Variants in GPHN observed in about 807,000 individuals in gnomAD.
The protein encoded by GPHN is gephyrin.
A neutral mutation model predicts 95.5 loss-of-function variants in GPHN; 17 were observed. That is an observed-to-expected ratio of 0.18 (90% CI 0.12 to 0.27). The LOEUF (loss-of-function observed/expected upper bound fraction) is 0.27, where lower values mean the gene tolerates loss of function less well. GPHN is among the 10% of genes least tolerant of loss of function. The pLI, the probability that GPHN is intolerant of heterozygous loss-of-function variation, is 1.00. For synonymous variants in GPHN, 320 were observed against 322.5 expected, an observed-to-expected ratio of 0.99 and a Z score of 0.08; for missense variants, 660 against 978.1, an observed-to-expected ratio of 0.67 and a Z score of 4.34.
intron 3 of GPHN, among the ~76,000 whole-genome samples, chr14:66,787,109 T>C (rs565964627): frequency 2.8e-4 from 42 of 152,174 alleles, no homozygotes; most frequent in Non-Finnish European, 3.7e-4. Context: ...ATTATCTGCA[T>C]AGGAAAAAAT....
the GPHN span, among the ~76,000 whole-genome samples, chr14:67,527,520 C>T: frequency 1.3e-5 from 2 of 152,138 alleles, no homozygotes; most frequent in Admixed American, 6.5e-5. Context: ...TTAAATGTTT[C>T]GATTTTTAAT....
chr14:67,422,316 G>A, the GPHN span, among the ~76,000 whole-genome samples: 7 of 152,046 alleles, frequency 4.6e-5, no homozygotes, highest in African/African-American at 1.2e-4. Flanking sequence ...CTGACCTAAC[G>A]CTTTCCCCTG....
intron 3 of GPHN, among the ~76,000 whole-genome samples, chr14:66,820,626 T>C (rs956919608): frequency 9.2e-5 from 14 of 152,158 alleles, no homozygotes; most frequent in African/African-American, 3.4e-4. Context: ...TGCATCTCTG[T>C]AGATTTAGAG....
chr14:66,738,518 AT>A (rs1250458057), intron 2 of GPHN, among the ~76,000 whole-genome samples: 2 of 151,928 alleles, frequency 1.3e-5, no homozygotes, highest in South Asian at 2.1e-4. Flanking sequence ...TTGATTCTTG[AT>A]TTTTTTTATG....
intron 11 of GPHN, among the ~76,000 whole-genome samples, chr14:67,082,733 A>C (rs1459302616): frequency 6.6e-6 from 1 of 152,204 alleles, no homozygotes; most frequent in Non-Finnish European, 1.5e-5. Flanking sequence ...GAACATTAAC[A>C]ATATGAACAC....
chr14:66,605,882 A>G (rs1201913082), intron 1 of GPHN, among the ~76,000 whole-genome samples: 3 of 152,008 alleles, frequency 2.0e-5, no homozygotes, highest in Non-Finnish European at 4.4e-5. Context: ...TAAGTTTCTT[A>G]TAGATTCTGG....
chr14:66,760,722 T>C lies in GPHN; in HGVS notation c.144-15742T>C, dbSNP rs545310632. ...CATAAAGCAGCTGGCAAAGCACTTA[T>C]AGTGGATAATTCATTTGAATTTGAA... On this transcript the variant is annotated intron_variant, in intron 2 of 22. Transcript: ENST00000478722. 141 of 463,674 alleles carry C rather than the reference T, an allele frequency of 3.0e-4. 1 individual carries two copies. The highest frequency in any genetic ancestry group is 2.1e-3 in the South Asian group (123 of 57,834). The allele number at this position is 463,674 out of a possible 1,614,324, so 28.7% of individuals were successfully genotyped here. A position where few individuals can be genotyped will look rare whatever the true frequency, so the allele number is the denominator to read the frequency against.
chr14:67,083,050 A>G (rs2076752113), intron 11 of GPHN, among the ~76,000 whole-genome samples: 1 of 152,230 alleles, frequency 6.6e-6, no homozygotes, highest in Non-Finnish European at 1.5e-5. Context: ...CTGTTCTGGA[A>G]GTCCAGGATA....
chr14:67,670,010 A>G, the GPHN span, among the ~76,000 whole-genome samples: 1 of 152,162 alleles, frequency 6.6e-6, no homozygotes, highest in Non-Finnish European at 1.5e-5. Flanking sequence ...TGGGAGGATC[A>G]CCTGAGCCCG....
intron 8 of GPHN, among the ~76,000 whole-genome samples, chr14:66,961,900 G>GTATGTGTA: frequency 1.9e-5 from 1 of 52,958 alleles, no homozygotes; most frequent in Non-Finnish European, 4.4e-5. Flanking sequence ...CCCTGAATGT[G>GTATGTGTA]TATATATATA....
chr14:66,862,190 A>G (rs2063050759), intron 4 of GPHN, among the ~76,000 whole-genome samples: 1 of 152,132 alleles, frequency 6.6e-6, no homozygotes. Flanking sequence ...TCAAATAATC[A>G]TTAGTGGCTA....
intron 1 of GPHN, among the ~76,000 whole-genome samples, 160 bp downstream of exon 1, chr14:66,508,751 T>C (rs573658331): frequency 2.0e-5 from 3 of 152,060 alleles, no homozygotes; most frequent in East Asian, 3.9e-4. Flanking sequence ...CCGCCGGAGA[T>C]TGGGGGTGTT....
chr14:67,179,470 A>T (rs1434457671), intron 21 of GPHN, 108 bp from the exon 22 acceptor site: 4 of 726,436 alleles, frequency 5.5e-6, no homozygotes, highest in Non-Finnish European at 1.0e-5. Flanking sequence ...CAGAATACCA[A>T]GGTTAGTCTC....
chr14:66,567,469 G>T (rs983930522), intron 1 of GPHN, among the ~76,000 whole-genome samples: 8 of 152,138 alleles, frequency 5.3e-5, no homozygotes, highest in Non-Finnish European at 1.0e-4. Flanking sequence ...AATTCCCTAG[G>T]GATTTGTTTG....
intron 10 of GPHN, among the ~76,000 whole-genome samples, chr14:67,049,861 T>C (rs2075226754): frequency 6.6e-6 from 1 of 152,148 alleles, no homozygotes; most frequent in Non-Finnish European, 1.5e-5. Context: ...TAATTTGGGG[T>C]GAGTCTTGAG....
intron 10 of GPHN, among the ~76,000 whole-genome samples, chr14:67,056,554 A>G (rs778199130): frequency 6.6e-6 from 1 of 151,158 alleles, no homozygotes; most frequent in Non-Finnish European, 1.5e-5. Flanking sequence ...TGATTGGTGC[A>G]TCCACAAACC....
chr14:67,017,372 T>A (rs550793419), intron 9 of GPHN, among the ~76,000 whole-genome samples: 1 of 152,268 alleles, frequency 6.6e-6, no homozygotes, highest in East Asian at 1.9e-4. Context: ...ATTGGCTTAA[T>A]GTTATTTAAA....
At chr14:67,614,267 A>G in the GPHN span, among the ~76,000 whole-genome samples, 9 of 152,178 alleles carry the variant, frequency 5.9e-5, no homozygotes, top group Non-Finnish European at 1.2e-4. Context: ...GTCATTTGCT[A>G]TAGGAGTGGT....
chr14:66,697,948 G>C (rs1017072394), intron 2 of GPHN, among the ~76,000 whole-genome samples: 5 of 152,020 alleles, frequency 3.3e-5, no homozygotes, highest in African/African-American at 9.7e-5. Context: ...TCCTGCCTCA[G>C]CCTCCCAAAG....
Sources: allele counts gnomAD v4.1 joint callset (sites outside exome capture counted in the v4.1 genomes callset), GRCh38; gene constraint gnomAD v4.1.1; transcripts MANE v1.5; gene names NCBI Gene and HGNC (gene_info 2026-07-23, HGNC 2026-07-21).